SMG1: variants seen among roughly 807,000 people sequenced by gnomAD.
SMG1 encodes the protein SMG1 nonsense mediated mRNA decay associated PI3K related kinase, also known as serine/threonine-protein kinase SMG1.
A neutral mutation model predicts 419.9 loss-of-function variants in SMG1; 22 were observed. The ratio of observed to expected loss-of-function variants is 0.05; its 90% CI spans 0.04 to 0.07. The LOEUF (loss-of-function observed/expected upper bound fraction) is 0.07, where lower values mean the gene tolerates loss of function less well. Ranked by LOEUF, SMG1 falls within the 10% of genes least tolerant of loss-of-function variation. The probability of loss-of-function intolerance (pLI) is 1.00; values close to 1 mark genes in which losing one functional copy is unlikely to be tolerated. For missense variants in SMG1, 3,185 were observed against 4,342.0 expected, an observed-to-expected ratio of 0.73 and a Z score of 7.49; for synonymous variants, 1,538 against 1,553.5, an observed-to-expected ratio of 0.99 and a Z score of 0.23.
At chr16:18,850,543 A>G (rs1240645055) in intron 33 of SMG1, 76 bp from the exon 34 acceptor site, 1 of 1,024,028 alleles carries the variant, frequency 9.8e-7, no homozygotes, top group Non-Finnish European at 1.4e-6. Context: ...TTTGACTATC[A>G]TAAAAAATTC....
Position 18,847,940 on chromosome 16 carries a change from G to C in SMG1, c.5717C>G (p.Ala1906Gly), listed in dbSNP as rs900828554. 3.1e-6 allele frequency: 5 copies of C among 1,613,966 alleles called. No individual in the cohort carries two copies. Among genetic ancestry groups the C allele is most frequent in the Non-Finnish European group, 4.2e-6 (5 of 1,179,854 alleles). Residue 1906 changes from alanine (A) to glycine (G), a missense_variant, in exon 37 of 63, where the codon GCA (alanine) becomes GGA (glycine). Physicochemically the swap from Ala to Gly is moderately conservative, Grantham distance 60. Transcript: ENST00000446231. ...TTCATCCTTATTGCTATCCTGAGAT[G>C]CAGGAGGACTTCCTCCCTCACATTC... is the stretch of plus-strand genomic sequence containing the variant. ...VSECEGGSPP[A>G]SQDSNKDEPK... is the part of the protein sequence containing the mutation.
intron 1 of SMG1, among the ~76,000 whole-genome samples, chr16:18,901,631 C>T (rs1002621569): frequency 9.9e-5 from 15 of 152,038 alleles, no homozygotes; most frequent in Non-Finnish European, 2.2e-4. Flanking sequence ...CTGGCTTTTA[C>T]CTGTGAATTC....
chr16:18,837,928 G>A, intron 45 of SMG1, 86 bp downstream of exon 45: 4 of 1,432,514 alleles, frequency 2.8e-6, no homozygotes, highest in Non-Finnish European at 3.8e-6. Flanking sequence ...AAAAATTAGA[G>A]AAACAATTTG....
chr16:18,877,452 G>C, intron 11 of SMG1: 1 of 405,584 alleles, frequency 2.5e-6, no homozygotes, highest in East Asian at 4.1e-5. Context: ...GTGGGGAGAG[G>C]GAACGAGGAA....
At chr16:18,902,391 T>C (rs543219874) in intron 1 of SMG1, among the ~76,000 whole-genome samples, 15 of 152,284 alleles carry the variant, frequency 9.9e-5, no homozygotes, top group Admixed American at 2.0e-4. Context: ...TGAGTCCTCC[T>C]GGCAAATCAT....
chr16:18,839,238 C>T (rs990715618), intron 42 of SMG1, among the ~76,000 whole-genome samples: 18 of 151,470 alleles, frequency 1.2e-4, no homozygotes, highest in African/African-American at 3.9e-4. Context: ...TAGGTCTTTA[C>T]GTGAGTAAAT....
At chr16:18,872,462 G>A in intron 14 of SMG1, 32 bp downstream of exon 14, 1 of 1,529,780 alleles carries the variant, frequency 6.5e-7, no homozygotes, top group Non-Finnish European at 8.7e-7. Context: ...ATGTTTTGTG[G>A]GGTTCTTAAG....
chr16:18,881,774 C>A (rs1316322780), intron 10 of SMG1, among the ~76,000 whole-genome samples: 3 of 152,104 alleles, frequency 2.0e-5, no homozygotes, highest in Admixed American at 2.0e-4. Flanking sequence ...CATATGAGTT[C>A]CATCTTATGT....
chr16:18,836,313 TA>T, intron 47 of SMG1, 46 bp downstream of exon 47: 1 of 1,599,414 alleles, frequency 6.3e-7, no homozygotes, highest in Non-Finnish European at 8.5e-7. Flanking sequence ...CACATGACTA[TA>T]AAACTCATAG....
intron 45 of SMG1, 115 bp downstream of exon 45, chr16:18,837,899 T>G: frequency 9.8e-7 from 1 of 1,022,372 alleles, no homozygotes; most frequent in Non-Finnish European, 1.4e-6. Context: ...ATTTCAATAT[T>G]ATACATTAGT....
In SMG1 at chr16:18,841,620, A is replaced by G; in HGVS notation, c.6641T>C (p.Leu2214Ser). 6.2e-7 allele frequency: 1 copy of G among 1,613,908 alleles called. No individual in the cohort carries two copies. Among genetic ancestry groups the G allele is most frequent in the Non-Finnish European group, 8.5e-7 (1 of 1,179,858 alleles). Residue 2214 changes from leucine to serine, a missense_variant, in exon 41 of 63, where the codon TTA becomes TCA. Coordinates refer to ENST00000446231, the MANE Select transcript of SMG1 (RefSeq NM_015092.5). The part of the protein sequence containing the change: ...LIQWVDGATP[L>S]FGLYKRWQQR... ...TTGCCATCGTTTGTAAAGACCAAAT[A>G]AGGGTGTGGCTCCATCTACCCACTG... is the stretch of plus-strand genomic sequence containing the variant.
chr16:18,887,516 C>CTTTGTTTTTTTTTTTTTTTTTT lies in SMG1; in HGVS notation c.823-1851_823-1850insAAAAAAAAAAAAAAAAAACAAA, dbSNP rs749197007. Among the ~76,000 whole-genome samples the CTTTGTTTTTTTTTTTTTTTTTT allele has an allele frequency of 3.6e-5, 4 of 110,140 alleles. 1 individual carries two copies. Among genetic ancestry groups the CTTTGTTTTTTTTTTTTTTTTTT allele is most frequent in the Non-Finnish European group, 7.3e-5 (4 of 54,782 alleles). The allele number at this position is 110,140 out of a possible 152,430, so 72.3% of individuals were successfully genotyped here. On this transcript the variant is annotated intron_variant, in intron 6 of 62. Coordinates refer to ENST00000446231, the MANE Select transcript of SMG1 (RefSeq NM_015092.5). ...ACCACGCCCGACTTATTTTTTTTTC[C>CTTTGTTTTTTTTTTTTTTTTTT]TTTTTTTTTTTTTTTTTAATAGAAA...
chr16:18,853,357 A>C (rs1355457385), intron 31 of SMG1, among the ~76,000 whole-genome samples: 1 of 152,166 alleles, frequency 6.6e-6, no homozygotes, highest in African/African-American at 2.4e-5. Context: ...GCCAGCAAAA[A>C]CATCTAAGTC....
chr16:18,905,676 A>G (rs1416622301), intron 1 of SMG1, among the ~76,000 whole-genome samples: 1 of 149,504 alleles, frequency 6.7e-6, no homozygotes, highest in Non-Finnish European at 1.5e-5. Context: ...ATAGTGGTGC[A>G]ATACTGGCTC....
intron 58 of SMG1, 138 bp downstream of exon 58, chr16:18,816,164 C>CTCAG: frequency 4.2e-6 from 3 of 706,946 alleles, no homozygotes; most frequent in Non-Finnish European, 6.9e-6. Flanking sequence ...CACAAGTTAA[C>CTCAG]TCAGTTACAA....
At chr16:18,809,761 AC>A (rs1192536509) in intron 62 of SMG1, 115 bp from the exon 63 acceptor site, 65 of 706,306 alleles carry the variant, frequency 9.2e-5, no homozygotes. Flanking sequence ...CTCTATACTT[AC>A]CCTGCTCCTG....
intron 36 of SMG1, 125 bp downstream of exon 36, chr16:18,849,092 A>ACAAAC: frequency 4.8e-6 from 1 of 209,732 alleles, no homozygotes. Context: ...AAAAAAAAAA[A>ACAAAC]AAAAAAAAAA....
At chr16:18,844,995 G>A (rs535309233) in intron 39 of SMG1, among the ~76,000 whole-genome samples, 2 of 152,348 alleles carry the variant, frequency 1.3e-5, no homozygotes, top group East Asian at 1.9e-4. Flanking sequence ...AGAACTACTT[G>A]TAAAACTTTA....
chr16:18,842,973 ACT>A (rs920889979), intron 39 of SMG1, among the ~76,000 whole-genome samples: 2 of 152,126 alleles, frequency 1.3e-5, no homozygotes, highest in African/African-American at 2.4e-5. Flanking sequence ...CTTTGTTAAG[ACT>A]CTTTCTTTTC....
Sources: allele counts gnomAD v4.1 joint callset (sites outside exome capture counted in the v4.1 genomes callset), GRCh38; gene constraint gnomAD v4.1.1; transcripts MANE v1.5; gene names NCBI Gene and HGNC (gene_info 2026-07-23, HGNC 2026-07-21).